Variants in GPC6 observed in about 807,000 individuals in gnomAD.
GPC6 encodes glypican 6.
A neutral mutation model predicts 55.2 loss-of-function variants in GPC6; 14 were observed. The ratio of observed to expected loss-of-function variants is 0.25; its 90% confidence interval spans 0.17 to 0.40. The LOEUF (loss-of-function observed/expected upper bound fraction) is 0.40. GPC6 is among the 10% of genes least tolerant of loss of function. The pLI is 1.00. For missense variants in GPC6, 641 were observed against 708.5 expected, an observed-to-expected ratio of 0.90 and a Z score of 1.08; for synonymous variants, 278 against 259.6, an observed-to-expected ratio of 1.07 and a Z score of -0.68.
intron 4 of GPC6, among the ~76,000 whole-genome samples, chr13:94,264,122 C>T (rs1160000544): frequency 1.3e-5 from 2 of 152,216 alleles, no homozygotes; most frequent in African/African-American, 2.4e-5. Context: ...CTGGTTCCAA[C>T]ATCTGCAGTG....
At chr13:94,056,831 C>CT (rs1884149848) in intron 4 of GPC6, among the ~76,000 whole-genome samples, 2 of 152,302 alleles carry the variant, frequency 1.3e-5, no homozygotes, top group South Asian at 4.1e-4. Flanking sequence ...ATCAGCAATT[C>CT]TTTTCACTTT....
chr13:93,977,022 T>C (rs998837359), intron 3 of GPC6, among the ~76,000 whole-genome samples: 2 of 152,174 alleles, frequency 1.3e-5, no homozygotes, highest in East Asian at 1.9e-4. Context: ...TTATAATAAG[T>C]GATGACGGCT....
intron 1 of GPC6, among the ~76,000 whole-genome samples, chr13:93,278,776 G>A (rs1186183798): frequency 6.6e-6 from 1 of 152,086 alleles, no homozygotes; most frequent in Non-Finnish European, 1.5e-5. Context: ...ACACATCTAG[G>A]GCTATAGGTA....
intron 1 of GPC6, among the ~76,000 whole-genome samples, chr13:93,486,972 A>C (rs1434888450): frequency 6.6e-6 from 1 of 151,908 alleles, no homozygotes; most frequent in Non-Finnish European, 1.5e-5. Context: ...AAAACCCCAA[A>C]AAACACAAAA....
At chr13:93,668,659 G>A (rs1881238596) in intron 2 of GPC6, among the ~76,000 whole-genome samples, 1 of 152,162 alleles carries the variant, frequency 6.6e-6, no homozygotes, top group Non-Finnish European at 1.5e-5. Context: ...TGCAGCCACA[G>A]GCCAAGCAAC....
At chr13:93,368,147 T>G (rs937495448) in intron 1 of GPC6, among the ~76,000 whole-genome samples, 1 of 152,256 alleles carries the variant, frequency 6.6e-6, no homozygotes, top group Non-Finnish European at 1.5e-5. Flanking sequence ...TTTGTCTTAT[T>G]GCTAGTTCTT....
intron 4 of GPC6, among the ~76,000 whole-genome samples, chr13:94,253,155 G>C (rs566927245): frequency 1.3e-5 from 2 of 152,182 alleles, no homozygotes; most frequent in South Asian, 4.1e-4. Flanking sequence ...TGCACACAGT[G>C]TATGTTCAAC....
At chr13:93,578,039 T>C (rs1246665008) in intron 2 of GPC6, among the ~76,000 whole-genome samples, 2 of 152,090 alleles carry the variant, frequency 1.3e-5, no homozygotes, top group African/African-American at 4.8e-5. Flanking sequence ...GAGCCATCCT[T>C]GGTATGAATC....
chr13:93,529,393 G>A (rs964899674), intron 1 of GPC6, among the ~76,000 whole-genome samples: 1 of 151,934 alleles, frequency 6.6e-6, no homozygotes. Flanking sequence ...CCTTATAAAA[G>A]GCATCAAAGA....
At chr13:93,868,492 A>G (rs1889037646) in intron 3 of GPC6, among the ~76,000 whole-genome samples, 1 of 151,836 alleles carries the variant, frequency 6.6e-6, no homozygotes, top group South Asian at 2.1e-4. Flanking sequence ...ACAATTTCAC[A>G]CAGAAATTTT....
chr13:93,450,567 G>A (rs1566364194), intron 1 of GPC6, among the ~76,000 whole-genome samples: 1 of 152,126 alleles, frequency 6.6e-6, no homozygotes, highest in Non-Finnish European at 1.5e-5. Context: ...GCAGCTGTGG[G>A]GACTGGTCAA....
intron 2 of GPC6, among the ~76,000 whole-genome samples, chr13:93,665,705 G>T (rs1881103084): frequency 6.6e-6 from 1 of 152,162 alleles, no homozygotes; most frequent in African/African-American, 2.4e-5. Flanking sequence ...GAGATAATGG[G>T]TTAGGAAAGC....
At chr13:93,555,319 T>G (rs1341394925) in intron 2 of GPC6, among the ~76,000 whole-genome samples, 1 of 152,204 alleles carries the variant, frequency 6.6e-6, no homozygotes, top group African/African-American at 2.4e-5. Flanking sequence ...CTAAGCTCAT[T>G]AAGTTCAGAG....
At chr13:93,916,392 A>G (rs1349092627) in intron 3 of GPC6, among the ~76,000 whole-genome samples, 3 of 152,078 alleles carry the variant, frequency 2.0e-5, no homozygotes, top group Non-Finnish European at 2.9e-5. Flanking sequence ...TTTTCATCAC[A>G]GAACTGGAAC....
intron 1 of GPC6, among the ~76,000 whole-genome samples, chr13:93,235,913 T>C (rs1887709): frequency 0.26 from 39,237 of 152,062 alleles, 5,173 homozygotes; most frequent in African/African-American, 0.32. Context: ...TCTCTGTCTT[T>C]TGGCTCTCAG....
intron 1 of GPC6, among the ~76,000 whole-genome samples, chr13:93,371,776 A>T (rs1594125685): frequency 6.6e-6 from 1 of 152,100 alleles, no homozygotes; most frequent in African/African-American, 2.4e-5. Flanking sequence ...AGCTCCTGAG[A>T]CCTTAAAAAA....
chr13:94,299,736 T>C (rs909943664), intron 5 of GPC6, among the ~76,000 whole-genome samples: 2 of 152,214 alleles, frequency 1.3e-5, no homozygotes, highest in African/African-American at 2.4e-5. Context: ...TGTTTATAAA[T>C]TACCTAGTGT....
At chr13:93,414,627 T>G (rs1876628957) in intron 1 of GPC6, among the ~76,000 whole-genome samples, 1 of 152,080 alleles carries the variant, frequency 6.6e-6, no homozygotes, top group Non-Finnish European at 1.5e-5. Flanking sequence ...AGGAAGAGAC[T>G]TCTGGTGGGA....
At chr13:94,244,969 G>A (rs773326061) in intron 4 of GPC6, among the ~76,000 whole-genome samples, 34 of 151,866 alleles carry the variant, frequency 2.2e-4, no homozygotes, top group Admixed American at 1.6e-3. Context: ...CTATATAGTG[G>A]AACAAATAAA....
Sources: allele counts gnomAD v4.1 joint callset (sites outside exome capture counted in the v4.1 genomes callset), GRCh38; gene constraint gnomAD v4.1.1; transcripts MANE v1.5; gene names NCBI Gene and HGNC (gene_info 2026-07-23, HGNC 2026-07-21).